Variants in C11orf58 observed in about 807,000 individuals in gnomAD.
C11orf58 encodes the protein chromosome 11 open reading frame 58.
In C11orf58, 5 loss-of-function variants were observed where a neutral mutation model predicts 22.7. The observed-to-expected ratio is 0.22, with a 90% confidence interval of 0.12 to 0.46. The LOEUF (loss-of-function observed/expected upper bound fraction) is 0.46, where lower values mean the gene tolerates loss of function less well. C11orf58 is among the 20% of genes least tolerant of loss of function. C11orf58 has a pLI of 0.99. For missense variants in C11orf58, 151 were observed against 223.3 expected, an observed-to-expected ratio of 0.68 and a Z score of 2.06; for synonymous variants, 71 against 70.7, an observed-to-expected ratio of 1.00 and a Z score of -0.02.
At chr11:16,744,511 G>A in intron 1 of C11orf58, 90 bp from the exon 2 acceptor site, 1 of 1,010,094 alleles carries the variant, frequency 9.9e-7, no homozygotes, top group Non-Finnish European at 1.5e-6. Context: ...ACTGACAGGG[G>A]AAAAAAACTT....
intron 4 of C11orf58, 78 bp from the exon 5 acceptor site, chr11:16,754,793 G>A (rs567941160): frequency 5.9e-5 from 92 of 1,570,048 alleles, no homozygotes; most frequent in East Asian, 2.2e-5. Context: ...TTCTAAGACC[G>A]ACAGAACTTA....
In C11orf58 at chr11:16,738,696, C is replaced by T. The variant is rs1219332090; in HGVS notation, c.-83C>T. 9 of 1,462,216 alleles carry T rather than the reference C, an allele frequency of 6.2e-6. No homozygotes were observed. Among genetic ancestry groups the T allele is most frequent in the East Asian group, 4.5e-5 (2 of 44,108 alleles). The allele number at this position is 1,462,216 out of a possible 1,614,324, so 90.6% of individuals were successfully genotyped here. A position where few individuals can be genotyped will look rare whatever the true frequency, so the allele number is the denominator to read the frequency against. The stretch of plus-strand genomic sequence containing the variant: ...GTTCTGTAGTGGCGCTGCTTGGGCC[C>T]TTGGCGGATTGTAAGCTGCTGGTTT... On this transcript the variant is annotated 5_prime_UTR_variant, in exon 1 of 5. Coordinates refer to ENST00000228136, the MANE Select transcript of C11orf58 (RefSeq NM_014267.6).
At chr11:16,753,551 T>G (rs60302440) in intron 4 of C11orf58, among the ~76,000 whole-genome samples, 1,796 of 152,014 alleles carry the variant, frequency 0.012, 21 homozygotes, top group South Asian at 0.033. Flanking sequence ...TCAGGAGAGA[T>G]AGGGTTTCAC....
At chr11:16,754,750 A>C (rs1055357764) in intron 4 of C11orf58, 121 bp from the exon 5 acceptor site, 5 of 1,469,102 alleles carry the variant, frequency 3.4e-6, no homozygotes, top group Middle Eastern at 2.1e-4. Context: ...CAAGTCTTAA[A>C]GCTGTTGTTC....
In C11orf58 at chr11:16,738,857, G is replaced by T. The variant is rs530034880; in HGVS notation, c.63+16G>T. Reference sequence around the variant, plus strand: ...AGACGACGATGTAAATAATAATGGCGGAGTGGCTGAGGGTTGAGGCCTACT... The same window carrying T: ...AGACGACGATGTAAATAATAATGGCTGAGTGGCTGAGGGTTGAGGCCTACT... On this transcript the variant is annotated intron_variant, in intron 1 of 4. Transcript: ENST00000228136. The T allele has an allele frequency of 1.2e-6, 2 of 1,613,936 alleles. No homozygotes were observed. The highest frequency in any genetic ancestry group is 1.7e-6 in the Non-Finnish European group (2 of 1,179,918).
intron 4 of C11orf58, among the ~76,000 whole-genome samples, chr11:16,754,529 T>TTCTCTC (rs1279102286): frequency 7.0e-6 from 1 of 142,962 alleles, no homozygotes; most frequent in Admixed American, 7.1e-5. Context: ...TTTTTTTAGT[T>TTCTCTC]TCTCTCTCTC....
chr11:16,740,125 G>A (rs1302686770), intron 1 of C11orf58, among the ~76,000 whole-genome samples: 1 of 152,112 alleles, frequency 6.6e-6, no homozygotes, highest in African/African-American at 2.4e-5. Context: ...GGTTTTGTCA[G>A]GAATTGATCC....
chr11:16,749,692 G>T (rs1481818712), intron 3 of C11orf58: 1 of 152,278 alleles, frequency 6.6e-6, no homozygotes, highest in Non-Finnish European at 1.5e-5. Context: ...GATCTAGGTT[G>T]TGCCTCCTTA....
Position 16,755,048 on chromosome 11 carries a change from A to G in C11orf58, c.496A>G (p.Lys166Glu), listed in dbSNP as rs1564885638. The G allele has an allele frequency of 5.0e-6, 8 of 1,614,148 alleles. No homozygotes were observed. Among genetic ancestry groups the G allele is most frequent in the Non-Finnish European group, 5.9e-6 (7 of 1,179,992 alleles). ...TGATGAAGTGGAGGATCCCAAAAACAAAAAAGATGCAAAAAGCAATTATAA... is the reference window on the plus strand; with the variant it reads ...TGATGAAGTGGAGGATCCCAAAAACGAAAAAGATGCAAAAAGCAATTATAA... ...HPDEVEDPKN[K>E]KDAKSNYKMM... The change falls in exon 5 of 5, where the codon AAA becomes GAA. Residue 166 changes from lysine to glutamate, a missense_variant. Around this residue, in one of 3 missense-constraint regions of C11orf58, gnomAD observed 112 missense variants for 162.6 expected, o/e 0.69. Coordinates refer to ENST00000228136, the MANE Select transcript of C11orf58 (RefSeq NM_014267.6).
At chr11:16,751,227 T>C (rs1450455872) in intron 3 of C11orf58, 1 of 152,188 alleles carries the variant, frequency 6.6e-6, no homozygotes, top group Non-Finnish European at 1.5e-5. Context: ...TGGCCAGGCA[T>C]GGTGGGTCAC....
chr11:16,740,505 T>G (rs1848438625), intron 1 of C11orf58, among the ~76,000 whole-genome samples: 1 of 152,002 alleles, frequency 6.6e-6, no homozygotes, highest in Non-Finnish European at 1.5e-5. Flanking sequence ...CTGGCTCAGG[T>G]GATCCTCCTG....
At position 16,755,767 on chromosome 11, in the gene C11orf58, A is replaced by C. The variant is rs1422000085; in HGVS notation, c.*663A>C. 1 of 152,668 alleles carries C rather than the reference A, an allele frequency of 6.6e-6. No homozygotes were observed. Among genetic ancestry groups the C allele is most frequent in the East Asian group, 1.9e-4 (1 of 5,202 alleles). The allele number at this position is 152,668 out of a possible 1,614,324, so 9.5% of individuals were successfully genotyped here. On this transcript the variant is annotated 3_prime_UTR_variant, in exon 5 of 5. Coordinates refer to ENST00000228136, the MANE Select transcript of C11orf58 (RefSeq NM_014267.6). ...TTGATAAAATTTGGCCAATTTTTACAGAAGAAATTCTCTGATCATTTAGTT... is the reference window on the plus strand; with the variant it reads ...TTGATAAAATTTGGCCAATTTTTACCGAAGAAATTCTCTGATCATTTAGTT...
At chr11:16,744,526 G>A in intron 1 of C11orf58, 75 bp from the exon 2 acceptor site, 3 of 1,203,406 alleles carry the variant, frequency 2.5e-6, no homozygotes, top group Non-Finnish European at 3.6e-6. Context: ...AAACTTGAGA[G>A]TTACAGGTAG....
At chr11:16,740,929 T>TA (rs920197876) in intron 1 of C11orf58, among the ~76,000 whole-genome samples, 8 of 151,312 alleles carry the variant, frequency 5.3e-5, no homozygotes, top group South Asian at 2.1e-4. Context: ...CCGCCTCTAC[T>TA]AAAAAAATAC....
At position 16,738,817 on chromosome 11, in the gene C11orf58, G is replaced by A. The variant is rs778890451; in HGVS notation, c.39G>A (p.Lys13=). The stretch of plus-strand genomic sequence containing the variant: ...GAGAGTCTCACCCGCATGGGGTGAA[G>A]CGTTCAGCCTCCCCAGACGACGATG... The part of the protein sequence containing the change: ...AARESHPHGV[K]RSASPDDDLG... Residue 13 remains lysine (K), a synonymous_variant, in exon 1 of 5, where the codon AAG becomes AAA. Transcript: ENST00000228136. The A allele has an allele frequency of 8.7e-6, 14 of 1,614,060 alleles. No individual in the cohort carries two copies. Among genetic ancestry groups the A allele is most frequent in the African/African-American group, 4.0e-5 (3 of 74,950 alleles).
chr11:16,745,366 C>A (rs1455644005), intron 2 of C11orf58, among the ~76,000 whole-genome samples: 1 of 152,168 alleles, frequency 6.6e-6, no homozygotes, highest in Non-Finnish European at 1.5e-5. Context: ...GACTCCCCAA[C>A]AACTTAACTA....
In C11orf58 at chr11:16,748,100, G is replaced by A. The variant is rs755199705; in HGVS notation, c.151G>A (p.Glu51Lys). 6.2e-7 allele frequency: 1 copy of A among 1,611,426 alleles called. No homozygotes were observed. Among genetic ancestry groups the A allele is most frequent in the Non-Finnish European group, 8.5e-7 (1 of 1,177,836 alleles). ...TACATTTTCAACCTTCTTATAGAAA[G>A]AACATACTGGTCGTCTTGTTATAGG... is the stretch of plus-strand genomic sequence containing the variant. ...FLRLMGAGKK[E>K]HTGRLVIGDH... Residue 51 changes from glutamate (E) to lysine (K), a missense_variant, in exon 3 of 5, where the codon GAA (glutamate) becomes AAA (lysine). This residue lies in a region of C11orf58 where 112 missense variants were observed against 162.6 expected (regional missense o/e 0.69). Coordinates refer to ENST00000228136, the MANE Select transcript of C11orf58 (RefSeq NM_014267.6).
In C11orf58 at chr11:16,744,678, A is replaced by G. The variant is rs1399342727; in HGVS notation, c.141A>G (p.Ala47=). Residue 47 remains alanine, a synonymous_variant, in exon 2 of 5, where the codon GCA becomes GCG. Coordinates refer to ENST00000228136, the MANE Select transcript of C11orf58 (RefSeq NM_014267.6). The part of the protein sequence containing the change: ...RKQKFLRLMG[A]GKKEHTGRLV... ...AAAAGTTCTTGAGACTTATGGGTGC[A>G]GGAAAGGTAAGCATCAGATGGTGTG... 1 of 1,613,652 alleles carries G rather than the reference A, an allele frequency of 6.2e-7. No homozygotes were observed. Among genetic ancestry groups the G allele is most frequent in the Admixed American group, 1.7e-5 (1 of 60,000 alleles).
chr11:16,740,428 G>T (rs1223662285), intron 1 of C11orf58, among the ~76,000 whole-genome samples: 1 of 152,016 alleles, frequency 6.6e-6, no homozygotes, highest in Non-Finnish European at 1.5e-5. Context: ...GGTGAGACAG[G>T]GTCTCTGTCG....
Sources: gnomAD v4.1 joint callset for allele counts (sites outside exome capture counted in the v4.1 genomes callset) on GRCh38, gnomAD v4.1.1 for gene constraint, gnomAD v4.1.1 regional missense constraint, MANE v1.5 for transcripts, NCBI Gene and HGNC (gene_info 2026-07-23, HGNC 2026-07-21) for gene names.